The following SCN8A variants were observed in gnomAD, a reference collection of about 807,000 sequenced individuals.
SCN8A encodes the protein sodium channel protein type 8 subunit alpha.
In SCN8A, 30 loss-of-function variants were observed where a neutral mutation model predicts 184.1. The ratio of observed to expected loss-of-function variants is 0.16; its 90% CI spans 0.12 to 0.22. SCN8A has a LOEUF of 0.22. Among genes scored for constraint, SCN8A ranks in the 10% least tolerant of loss-of-function variants. SCN8A has a pLI of 1.00. For missense variants in SCN8A, 1,057 were observed against 2,498.9 expected (o/e 0.42, Z 12.30); for synonymous variants, 852 against 907.0 (o/e 0.94, Z 1.09).
intron 1 of SCN8A, among the ~76,000 whole-genome samples, chr12:51,603,954 T>C (rs1939526631): frequency 6.6e-6 from 1 of 152,230 alleles, no homozygotes; most frequent in South Asian, 2.1e-4. Flanking sequence ...AATGTTGTTT[T>C]TGAGATATCA....
intron 20 of SCN8A, among the ~76,000 whole-genome samples, chr12:51,779,770 A>T (rs1565923034): frequency 1.3e-5 from 2 of 152,248 alleles, no homozygotes; most frequent in African/African-American, 2.4e-5. Flanking sequence ...CATGGAAATG[A>T]CAGACCTGAG....
chr12:51,674,732 A>G (rs979592143), intron 2 of SCN8A, among the ~76,000 whole-genome samples: 1 of 152,214 alleles, frequency 6.6e-6, no homozygotes, highest in Admixed American at 6.5e-5. Flanking sequence ...TCATAACCAC[A>G]TTTAACGAGT....
chr12:51,681,890 G>A (rs1240538302), intron 2 of SCN8A, among the ~76,000 whole-genome samples: 1 of 152,000 alleles, frequency 6.6e-6, no homozygotes, highest in Non-Finnish European at 1.5e-5. Context: ...GAACTGTGGA[G>A]GGAAGCATAA....
chr12:51,610,234 A>G (rs1244503442), intron 1 of SCN8A, among the ~76,000 whole-genome samples: 1 of 150,262 alleles, frequency 6.7e-6, no homozygotes, highest in Non-Finnish European at 1.5e-5. Context: ...CGGTTGTATG[A>G]AATGCCTTTT....
intron 2 of SCN8A, 57 bp downstream of exon 2, chr12:51,663,150 G>A (rs1940959516): frequency 1.9e-6 from 3 of 1,569,138 alleles, no homozygotes; most frequent in Admixed American, 1.8e-5. Context: ...GGCTTAGGGA[G>A]ATGGGGGAGA....
chr12:51,645,757 T>C (rs1213505960), intron 1 of SCN8A, among the ~76,000 whole-genome samples: 3 of 148,294 alleles, frequency 2.0e-5, no homozygotes, highest in African/African-American at 7.4e-5. Flanking sequence ...GAAGGCAGCA[T>C]GCTCCTTAAG....
intron 14 of SCN8A, among the ~76,000 whole-genome samples, chr12:51,754,196 T>C (rs1942637957): frequency 6.6e-6 from 1 of 152,164 alleles, no homozygotes; most frequent in South Asian, 2.1e-4. Context: ...TGTTATGTAG[T>C]AGATAAATGT....
chr12:51,779,607 AGGCAGTGGAGGTCTTTAATCTT>A (rs1248648323), intron 20 of SCN8A, among the ~76,000 whole-genome samples: 2 of 152,362 alleles, frequency 1.3e-5, no homozygotes, highest in East Asian at 3.9e-4. Context: ...CCTGGGAGTC[AGGCAGTGGAGGTCTTTAATCTT>A]GGCTGCAGAA....
intron 11 of SCN8A, among the ~76,000 whole-genome samples, chr12:51,715,201 A>G (rs1201599519): frequency 2.0e-5 from 3 of 152,328 alleles, no homozygotes; most frequent in Non-Finnish European, 4.4e-5. Flanking sequence ...GGAATTAGAA[A>G]ATAATAGAAC....
chr12:51,594,264 T>G (rs1253565593), intron 1 of SCN8A, among the ~76,000 whole-genome samples: 3 of 152,202 alleles, frequency 2.0e-5, no homozygotes, highest in Admixed American at 2.0e-4. Context: ...CAAAGTATTT[T>G]AATCTCATTG....
At chr12:51,647,481 A>G (rs1225367857) in intron 1 of SCN8A, among the ~76,000 whole-genome samples, 2 of 152,198 alleles carry the variant, frequency 1.3e-5, no homozygotes, top group Non-Finnish European at 2.9e-5. Context: ...TGGCCTCACT[A>G]GGTGGAAATC....
At chr12:51,596,485 G>A (rs1592317721) in intron 1 of SCN8A, among the ~76,000 whole-genome samples, 2 of 152,286 alleles carry the variant, frequency 1.3e-5, no homozygotes, top group South Asian at 2.1e-4. Flanking sequence ...CTGTTAAATG[G>A]TGTTATATTC....
intron 10 of SCN8A, among the ~76,000 whole-genome samples, chr12:51,705,928 T>G (rs1487117537): frequency 1.3e-5 from 2 of 152,210 alleles, no homozygotes; most frequent in Non-Finnish European, 2.9e-5. Context: ...ATAAGCATAT[T>G]CTTTTTCTTG....
chr12:51,786,122 T>G (rs1297498923), intron 21 of SCN8A, among the ~76,000 whole-genome samples: 2 of 152,222 alleles, frequency 1.3e-5, no homozygotes, highest in Admixed American at 1.3e-4. Context: ...CTCTGTGATT[T>G]TGAACAATTA....
rs181653560 is a variant in SCN8A at position 51,632,220 on chromosome 12, A to G, written c.-54-30544A>G. On this transcript the variant is annotated intron_variant, in intron 1 of 26. Transcript: ENST00000627620. ...GTCTTTGTTCTTTTTCAAACCTTTAATGCTTCTTTCCTGCAGTACTCATTA... is the reference window on the plus strand; with the variant it reads ...GTCTTTGTTCTTTTTCAAACCTTTAGTGCTTCTTTCCTGCAGTACTCATTA... Among the ~76,000 whole-genome samples, 266 of 152,310 alleles carry G rather than the reference A, an allele frequency of 1.7e-3. 1 individual carries two copies. The highest frequency in any genetic ancestry group is 6.1e-3 in the African/African-American group (254 of 41,560).
At chr12:51,726,852 T>C (rs1015327471) in intron 12 of SCN8A, among the ~76,000 whole-genome samples, 2 of 152,106 alleles carry the variant, frequency 1.3e-5, no homozygotes, top group African/African-American at 4.8e-5. Context: ...AATCCTTTGT[T>C]TGAGAAAGAG....
At chr12:51,660,144 A>G (rs1026853881) in intron 1 of SCN8A, among the ~76,000 whole-genome samples, 1 of 152,206 alleles carries the variant, frequency 6.6e-6, no homozygotes, top group East Asian at 1.9e-4. Flanking sequence ...CCAGGATAAC[A>G]TAGTGTCACT....
At chr12:51,624,982 G>A (rs1337825177) in intron 1 of SCN8A, among the ~76,000 whole-genome samples, 2 of 151,688 alleles carry the variant, frequency 1.3e-5, no homozygotes, top group African/African-American at 2.4e-5. Flanking sequence ...TAATATGTTA[G>A]GTTCATTTGT....
At chr12:51,795,399 G>C (rs1475379420) in intron 26 of SCN8A, among the ~76,000 whole-genome samples, 1 of 152,154 alleles carries the variant, frequency 6.6e-6, no homozygotes, top group African/African-American at 2.4e-5. Context: ...TTCCTGAAAG[G>C]CATCTTTTGT....
Sources: allele counts gnomAD v4.1 joint callset (sites outside exome capture counted in the v4.1 genomes callset), GRCh38; gene constraint gnomAD v4.1.1; transcripts MANE v1.5; gene names NCBI Gene and HGNC (gene_info 2026-07-23, HGNC 2026-07-21).